The following FLT4 variants were observed in gnomAD, a reference collection of about 807,000 sequenced individuals.
FLT4 encodes vascular endothelial growth factor receptor 3.
In FLT4, 30 loss-of-function variants were observed where a neutral mutation model predicts 163.2. That is an observed-to-expected ratio of 0.18 (90% CI 0.14 to 0.25). FLT4 has a LOEUF of 0.25. Ranked by LOEUF, FLT4 falls within the 10% of genes least tolerant of loss-of-function variation. FLT4 has a pLI of 1.00. For synonymous variants in FLT4, 884 were observed against 789.5 expected (o/e 1.12, Z -2.01); for missense variants, 1,510 against 1,863.8 (o/e 0.81, Z 3.50).
chr5:180,620,560 T>A lies in FLT4; in HGVS notation c.2406+49A>T, dbSNP rs376696560. On this transcript the variant is annotated intron_variant, in intron 16 of 29. Coordinates refer to ENST00000261937, the MANE Select transcript of FLT4 (RefSeq NM_182925.5). The surrounding 1 kb of genome is among the most constrained non-coding windows in gnomAD (Gnocchi z 4.4). ...TTCTTTATCTTAGGGGCGGCCAGGG[T>A]GGGGAAGGCCTGAGAGAGACTCCAT... The A allele has an allele frequency of 5.6e-6, 8 of 1,426,570 alleles. No homozygotes were observed. Among genetic ancestry groups the A allele is most frequent in the African/African-American group, 1.4e-5 (1 of 71,202 alleles). The allele number at this position is 1,426,570 out of a possible 1,614,324, so 88.4% of individuals were successfully genotyped here. A position where few individuals can be genotyped will look rare whatever the true frequency, so the allele number is the denominator to read the frequency against.
At chr5:180,613,324 A>T (rs1762357578) in intron 24 of FLT4, 1 of 520,506 alleles carries the variant, frequency 1.9e-6, no homozygotes. Context: ...TTTGGTTAAA[A>T]GAGGACTGTG....
chr5:180,628,780 A>G (rs1186062289), intron 8 of FLT4, 102 bp downstream of exon 8: 12 of 808,716 alleles, frequency 1.5e-5, no homozygotes, highest in African/African-American at 1.3e-4. Context: ...CTCCGTGTGC[A>G]GGTCCTGACG....
At chr5:180,637,671 T>C (rs1236972623) in intron 1 of FLT4, among the ~76,000 whole-genome samples, 1 of 152,192 alleles carries the variant, frequency 6.6e-6, no homozygotes, top group Non-Finnish European at 1.5e-5. Context: ...TAGCTGGGAT[T>C]ACAGGCATGC....
chr5:180,639,653 CTGT>C (rs928056590), intron 1 of FLT4, among the ~76,000 whole-genome samples: 41 of 152,276 alleles, frequency 2.7e-4, no homozygotes, highest in African/African-American at 9.1e-4. Context: ...TTGTCAGACC[CTGT>C]TGTTCCACTG....
intron 1 of FLT4, among the ~76,000 whole-genome samples, chr5:180,634,851 T>C (rs1392319661): frequency 1.5e-4 from 10 of 67,810 alleles, no homozygotes; most frequent in African/African-American, 2.5e-4. Context: ...CATGGATGGA[T>C]GGAAGTATGG....
intron 25 of FLT4, 23 bp downstream of exon 25, chr5:180,612,988 T>C: frequency 1.9e-6 from 3 of 1,583,790 alleles, no homozygotes; most frequent in Non-Finnish European, 2.6e-6. Context: ...CCCCAAAACC[T>C]GCAGGGCCAT....
At chr5:180,622,041 C>G in intron 12 of FLT4, 137 bp from the exon 13 acceptor site, 1 of 1,001,656 alleles carries the variant, frequency 1.0e-6, no homozygotes, top group Non-Finnish European at 1.5e-6. Context: ...TTGCCCCCCG[C>G]CCCACCAAAA....
chr5:180,650,169 C>CAAAA (rs397719371), upstream of FLT4, among the ~76,000 whole-genome samples: 5 of 82,276 alleles, frequency 6.1e-5, no homozygotes, highest in African/African-American at 2.1e-4. Flanking sequence ...GTCTGGGAGC[C>CAAAA]AAAAAAAAAA....
In FLT4 at chr5:180,629,308, G is replaced by A; in HGVS notation, c.936C>T (p.Ala312=). Residue 312 remains alanine (A), a synonymous_variant, in exon 7 of 30, where the codon GCC becomes GCT. Transcript: ENST00000261937. ...CCCGAAATCGCTGGATGCCGTTGTT[G>A]GCCTTGCACACATACGAGCCCAGGT... ...QHDLGSYVCK[A]NNGIQRFRES... is the part of the protein sequence containing the mutation. The A allele has an allele frequency of 6.2e-7, 1 of 1,613,350 alleles. No individual in the cohort carries two copies. Among genetic ancestry groups the A allele is most frequent in the Non-Finnish European group, 8.5e-7 (1 of 1,180,026 alleles).
rs1323330302 is a variant in FLT4 at position 180,609,057 on chromosome 5, T to C, written c.3808-4A>G. 8.1e-6 allele frequency: 13 copies of C among 1,613,798 alleles called. No homozygotes were observed. The highest frequency in any genetic ancestry group is 1.1e-5 in the Non-Finnish European group (13 of 1,179,798). On this transcript the variant is annotated splice_region_variant and splice_polypyrimidine_tract_variant and intron_variant, in intron 28 of 29. Coordinates refer to ENST00000261937, the MANE Select transcript of FLT4 (RefSeq NM_182925.5). ...TCCCACTGTCTGTCTGGTTGTCCTGTGTGGAGAGGACAAGCCAGGCTGTGG... is the reference window on the plus strand; with the variant it reads ...TCCCACTGTCTGTCTGGTTGTCCTGCGTGGAGAGGACAAGCCAGGCTGTGG...
chr5:180,608,322 T>G, intron 29 of FLT4: 3 of 700,852 alleles, frequency 4.3e-6, no homozygotes, highest in Non-Finnish European at 7.8e-6. Context: ...TCATGTGACT[T>G]GCTTCACCTT....
Position 180,619,014 on chromosome 5 carries a change from C to A in FLT4, c.2850+7G>T. 1.3e-6 allele frequency: 2 copies of A among 1,548,116 alleles called. No individual in the cohort carries two copies. Among genetic ancestry groups the A allele is most frequent in the Non-Finnish European group, 8.7e-7 (1 of 1,146,640 alleles). On this transcript the variant is annotated splice_region_variant and intron_variant, in intron 20 of 29. Transcript: ENST00000261937. ...CGCCCGCGGCGCCCCGCAGGCCGCCCGCTCACCGCGCAGGGGCTGAAGGCG... is the reference window on the plus strand; with the variant it reads ...CGCCCGCGGCGCCCCGCAGGCCGCCAGCTCACCGCGCAGGGGCTGAAGGCG...
At chr5:180,613,242 G>A (rs1000794157) in intron 24 of FLT4, 132 bp from the exon 25 acceptor site, 1 of 629,244 alleles carries the variant, frequency 1.6e-6, no homozygotes, top group Admixed American at 2.7e-5. Context: ...GTGGTGGGGT[G>A]GAGATGGCTC....
In FLT4 at chr5:180,630,597, T is replaced by A; in HGVS notation, c.358A>T (p.Ile120Phe). ...VCYYKYIKAR[I>F]EGTTAASSYV... ...GAGCTGGCGGCCGTGGTGCCCTCGA[T>A]GCGTGCCTTGATGTACTTGTAGTAG... is the stretch of plus-strand genomic sequence containing the variant. The change falls in exon 3 of 30, where the codon ATC (isoleucine) becomes TTC (phenylalanine). Residue 120 changes from isoleucine to phenylalanine, a missense_variant. Transcript: ENST00000261937. The surrounding 1 kb of genome is among the most constrained non-coding windows in gnomAD (Gnocchi z 6.3). 6.2e-7 allele frequency: 1 copy of A among 1,613,042 alleles called. No individual in the cohort carries two copies. Among genetic ancestry groups the A allele is most frequent in the Non-Finnish European group, 8.5e-7 (1 of 1,179,970 alleles).
At position 180,619,249 on chromosome 5, in the gene FLT4, G is replaced by A. The variant is rs367883360; in HGVS notation, c.2761+4C>T. On this transcript the variant is annotated splice_donor_region_variant and intron_variant, in intron 19 of 29. Coordinates refer to ENST00000261937, the MANE Select transcript of FLT4 (RefSeq NM_182925.5). The stretch of plus-strand genomic sequence containing the variant: ...GCCGTCCCAGCGGGCCGCCCGCTCC[G>A]TACCCTGCGGCTTGGTGCACGCCCC... 143 of 1,604,346 alleles carry A rather than the reference G, an allele frequency of 8.9e-5. No individual in the cohort carries two copies. The highest frequency in any genetic ancestry group is 2.4e-4 in the South Asian group (22 of 90,924).
Position 180,620,925 on chromosome 5 carries a change from C to T in FLT4, c.2250G>A (p.Val750=), listed in dbSNP as rs2127813539. 1 of 1,610,374 alleles carries T rather than the reference C, an allele frequency of 6.2e-7. No homozygotes were observed. Among genetic ancestry groups the T allele is most frequent in the Admixed American group, 1.7e-5 (1 of 59,782 alleles). Residue 750 remains valine, a synonymous_variant, in exon 15 of 30, where the codon GTG becomes GTA. Coordinates refer to ENST00000261937, the MANE Select transcript of FLT4 (RefSeq NM_182925.5). This position sits in a 1 kb window ranked among gnomAD's most constrained non-coding sequence, Gnocchi z 4.4. ...EEDAGRYLCS[V]CNAKGCVNSS... ...AGTTGACGCAGCCCTTGGCGTTGCA[C>T]ACGCTGCACAGATAGCGTCCCGCAT... is the stretch of plus-strand genomic sequence containing the variant.
intron 1 of FLT4, among the ~76,000 whole-genome samples, chr5:180,642,077 G>T (rs968429573): frequency 4.6e-5 from 7 of 152,002 alleles, no homozygotes; most frequent in Non-Finnish European, 7.4e-5. Flanking sequence ...TGTGGTGGCG[G>T]GCGCCTGCAG....
At position 180,603,520 on chromosome 5, in the gene FLT4, C is replaced by T. The variant is rs1202986921; in HGVS notation, c.3894-130G>A. 8 of 814,302 alleles carry T rather than the reference C, an allele frequency of 9.8e-6. No individual in the cohort carries two copies. In the East Asian group the frequency reaches 1.9e-4, roughly 19 times the overall value. 50.4% of individuals were successfully genotyped at this position (814,302 alleles called of 1,614,324 possible). Reference sequence around the variant, plus strand: ...TCAGGCCAGGAGTTAGAGTCCAGCCCAGGCAACATGGGGAAACCCCGTCTC... The same window carrying T: ...TCAGGCCAGGAGTTAGAGTCCAGCCTAGGCAACATGGGGAAACCCCGTCTC... On this transcript the variant is annotated intron_variant, in intron 29 of 29. Coordinates refer to ENST00000261937, the MANE Select transcript of FLT4 (RefSeq NM_182925.5).
At chr5:180,608,007 G>A in intron 29 of FLT4, 1 of 680,724 alleles carries the variant, frequency 1.5e-6, no homozygotes, top group South Asian at 1.6e-5. Context: ...CCTTGGAGGA[G>A]TCAGGGAACA....
Sources: gnomAD v4.1 joint callset for allele counts (sites outside exome capture counted in the v4.1 genomes callset) on GRCh38, gnomAD v4.1.1 for gene constraint, Gnocchi (gnomAD v3.1) non-coding constraint, MANE v1.5 for transcripts, NCBI Gene and HGNC (gene_info 2026-07-23, HGNC 2026-07-21) for gene names.